The following BCKDHB variants were observed in gnomAD, a reference collection of about 807,000 sequenced individuals.
The protein encoded by BCKDHB is branched chain keto acid dehydrogenase E1 subunit beta.
In BCKDHB, 41 loss-of-function variants were observed where a neutral mutation model predicts 48.5. The ratio of observed to expected loss-of-function variants is 0.85; its 90% confidence interval spans 0.66 to 1.10. BCKDHB has a LOEUF of 1.10. BCKDHB is among the 50% of genes least tolerant of loss of function. The pLI, the probability that BCKDHB is intolerant of heterozygous loss-of-function variation, is 0.00. For missense variants in BCKDHB, 496 were observed against 494.2 expected, an observed-to-expected ratio of 1.00 and a Z score of -0.03; for synonymous variants, 201 against 174.8, an observed-to-expected ratio of 1.15 and a Z score of -1.18.
chr6:80,440,932 TG>T, the BCKDHB span: 1 of 152,224 alleles, frequency 6.6e-6, no homozygotes, highest in Admixed American at 6.5e-5. Flanking sequence ...CATGCACATG[TG>T]TGACCCAACC....
At chr6:80,238,470 T>C (rs1489753663) in intron 8 of BCKDHB, among the ~76,000 whole-genome samples, 3 of 152,210 alleles carry the variant, frequency 2.0e-5, no homozygotes, top group Non-Finnish European at 2.9e-5. Context: ...TAGAGTTCAG[T>C]TGAGCAAATA....
At chr6:80,332,987 G>GT (rs1769396058) in intron 9 of BCKDHB, among the ~76,000 whole-genome samples, 1 of 151,778 alleles carries the variant, frequency 6.6e-6, no homozygotes, top group African/African-American at 2.4e-5. Flanking sequence ...AAGAGATCCT[G>GT]TATTCCCCAA....
chr6:80,318,284 G>A (rs186175158), intron 9 of BCKDHB, among the ~76,000 whole-genome samples: 2 of 152,306 alleles, frequency 1.3e-5, no homozygotes, highest in Admixed American at 1.3e-4. Flanking sequence ...CAGGGAGAAG[G>A]ACATGAAATA....
At chr6:80,457,093 T>C in the BCKDHB span, among the ~76,000 whole-genome samples, 2 of 152,216 alleles carry the variant, frequency 1.3e-5, no homozygotes, top group African/African-American at 4.8e-5. Context: ...TTCCGATAAG[T>C]AGCTAGAGAG....
intron 9 of BCKDHB, among the ~76,000 whole-genome samples, chr6:80,308,991 G>A (rs1768021132): frequency 1.3e-5 from 2 of 151,692 alleles, no homozygotes; most frequent in African/African-American, 2.4e-5. Context: ...GCTATTATTT[G>A]CTATAAAATA....
intron 3 of BCKDHB, among the ~76,000 whole-genome samples, chr6:80,139,457 A>G (rs1298614284): frequency 6.6e-6 from 1 of 151,876 alleles, no homozygotes; most frequent in African/African-American, 2.4e-5. Context: ...TAAGTCTTTA[A>G]TCCATCTTGA....
At chr6:80,442,923 G>T in the BCKDHB span, among the ~76,000 whole-genome samples, 6 of 152,324 alleles carry the variant, frequency 3.9e-5, no homozygotes, top group East Asian at 1.2e-3. Flanking sequence ...ATGTGGAAAT[G>T]AGCAGCTATT....
rs943739948 is a variant in BCKDHB at position 80,140,040 on chromosome 6, C to G, written c.343+10811C>G. ...TTCACTTCCCTTGTAAGGTGGATTC[C>G]TAAGTATTTTATTCTCTTTGAAGCA... On this transcript the variant is annotated intron_variant, in intron 3 of 9. Transcript: ENST00000320393. Among the ~76,000 whole-genome samples the G allele has an allele frequency of 1.7e-3, 261 of 152,162 alleles. 1 individual carries two copies. Among genetic ancestry groups the G allele is most frequent in the African/African-American group, 5.9e-3 (247 of 41,524 alleles).
chr6:80,203,304 C>T (rs1247955380), intron 8 of BCKDHB, 92 bp downstream of exon 8: 1 of 941,474 alleles, frequency 1.1e-6, no homozygotes, highest in Non-Finnish European at 1.7e-6. Flanking sequence ...AAATTGTGAG[C>T]TATGTGAGCA....
chr6:80,379,036 T>C, the BCKDHB span, among the ~76,000 whole-genome samples: 1 of 152,042 alleles, frequency 6.6e-6, no homozygotes, highest in East Asian at 1.9e-4. Flanking sequence ...ACTACCAATC[T>C]TGCTGAAACT....
At chr6:80,397,727 C>T in the BCKDHB span, among the ~76,000 whole-genome samples, 13,757 of 152,014 alleles carry the variant, frequency 0.09, 1,759 homozygotes, top group African/African-American at 0.28. Context: ...ACTAAAAATA[C>T]AAAAATTAGC....
chr6:80,167,111 C>T (rs915564203), intron 3 of BCKDHB, among the ~76,000 whole-genome samples: 3 of 152,074 alleles, frequency 2.0e-5, no homozygotes, highest in Admixed American at 6.6e-5. Flanking sequence ...GTGAATTGAA[C>T]CCTTTAACAG....
intron 9 of BCKDHB, among the ~76,000 whole-genome samples, chr6:80,300,592 A>G (rs1582531562): frequency 6.6e-6 from 1 of 152,306 alleles, no homozygotes; most frequent in East Asian, 1.9e-4. Context: ...ACAGTGTTAG[A>G]AATATCACTG....
intron 3 of BCKDHB, among the ~76,000 whole-genome samples, chr6:80,157,946 T>A (rs1260643141): frequency 6.6e-6 from 1 of 152,226 alleles, no homozygotes; most frequent in Non-Finnish European, 1.5e-5. Flanking sequence ...TGTTACCACG[T>A]CATGATTGCC....
At chr6:80,409,538 A>G in the BCKDHB span, among the ~76,000 whole-genome samples, 42 of 121,734 alleles carry the variant, frequency 3.5e-4, no homozygotes, top group African/African-American at 1.1e-3. Flanking sequence ...GTCTCTAAGG[A>G]CTTGCTTTAT....
In BCKDHB at chr6:80,231,194, T is replaced by G. The variant is rs542871032; in HGVS notation, c.951+27982T>G. Among the ~76,000 whole-genome samples, 5 of 152,300 alleles carry G rather than the reference T, an allele frequency of 3.3e-5. No individual in the cohort carries two copies. The South Asian group carries it at 1.0e-3, about 32-fold the overall frequency. Reference sequence around the variant, plus strand: ...AGTTTATGTAAATTCTACTTAATTATACATACTTAATGTATGATGCTTTAA... The same window carrying G: ...AGTTTATGTAAATTCTACTTAATTAGACATACTTAATGTATGATGCTTTAA... On this transcript the variant is annotated intron_variant, in intron 8 of 9. Coordinates refer to ENST00000320393, the MANE Select transcript of BCKDHB (RefSeq NM_183050.4).
intron 9 of BCKDHB, among the ~76,000 whole-genome samples, chr6:80,329,150 A>G (rs1210172240): frequency 6.6e-6 from 1 of 152,216 alleles, no homozygotes; most frequent in Non-Finnish European, 1.5e-5. Context: ...GATTCCAATT[A>G]CTTACAAACT....
intron 3 of BCKDHB, among the ~76,000 whole-genome samples, chr6:80,130,029 T>C (rs1770551065): frequency 6.6e-6 from 1 of 152,222 alleles, no homozygotes; most frequent in Non-Finnish European, 1.5e-5. Flanking sequence ...ATGTCTTTAA[T>C]TGGCATGTGA....
chr6:80,174,739 C>T (rs1773073854), intron 6 of BCKDHB, among the ~76,000 whole-genome samples: 1 of 152,126 alleles, frequency 6.6e-6, no homozygotes, highest in Non-Finnish European at 1.5e-5. Flanking sequence ...TTTGATGATT[C>T]TATAGGGCAC....
Sources: gnomAD v4.1 joint callset for allele counts (sites outside exome capture counted in the v4.1 genomes callset) on GRCh38, gnomAD v4.1.1 for gene constraint, MANE v1.5 for transcripts, NCBI Gene and HGNC (gene_info 2026-07-23, HGNC 2026-07-21) for gene names.